Variants in CNGB3 observed in about 807,000 individuals in gnomAD.
The protein encoded by CNGB3 is cyclic nucleotide-gated channel beta-3.
CNGB3 carries 86 observed loss-of-function variants against 92.8 expected under a neutral mutation model. The observed-to-expected ratio is 0.93, with a 90% CI of 0.78 to 1.11. The LOEUF (loss-of-function observed/expected upper bound fraction) is 1.11. CNGB3 is among the 50% of genes least tolerant of loss of function. The pLI, the probability that CNGB3 is intolerant of heterozygous loss-of-function variation, is 0.00. For missense variants in CNGB3, 1,026 were observed against 956.8 expected (o/e 1.07, Z -0.95); for synonymous variants, 333 against 332.7 (o/e 1.00, Z -0.01).
chr8:86,709,819 A>G (rs891750111), intron 3 of CNGB3, among the ~76,000 whole-genome samples: 3 of 152,202 alleles, frequency 2.0e-5, no homozygotes, highest in Non-Finnish European at 2.9e-5. Flanking sequence ...AACAATATTT[A>G]AAGCTAAAAC....
chr8:86,729,776 A>C (rs1825128313), intron 2 of CNGB3, among the ~76,000 whole-genome samples: 2 of 152,216 alleles, frequency 1.3e-5, no homozygotes, highest in Non-Finnish European at 2.9e-5. Flanking sequence ...TGAAAGAGAA[A>C]TCTAAAATAC....
At chr8:86,733,158 T>TG in intron 2 of CNGB3, among the ~76,000 whole-genome samples, 1 of 152,290 alleles carries the variant, frequency 6.6e-6, no homozygotes, top group African/African-American at 2.4e-5. Flanking sequence ...GAGTACCCAG[T>TG]GTTTAGCTTA....
At chr8:86,635,845 TATATATATATATATATATACAC>T (rs1322046240) in intron 10 of CNGB3, among the ~76,000 whole-genome samples, 2 of 70,640 alleles carry the variant, frequency 2.8e-5, no homozygotes, top group African/African-American at 1.5e-4. Flanking sequence ...TATATATATA[TATATATATATATATATATACAC>T]ATACACATAT....
chr8:86,581,567 C>A (rs948063857), intron 15 of CNGB3, among the ~76,000 whole-genome samples: 1 of 152,170 alleles, frequency 6.6e-6, no homozygotes, highest in African/African-American at 2.4e-5. Flanking sequence ...GAGCTTTGTG[C>A]TACCTGAGGG....
At chr8:86,662,526 C>G (rs1352481873) in intron 6 of CNGB3, among the ~76,000 whole-genome samples, 2 of 152,152 alleles carry the variant, frequency 1.3e-5, no homozygotes, top group Non-Finnish European at 2.9e-5. Context: ...ATATGCCAGA[C>G]CCTGAGCTAG....
At chr8:86,600,646 G>A (rs6990688) in intron 15 of CNGB3, among the ~76,000 whole-genome samples, 32,124 of 146,872 alleles carry the variant, frequency 0.22, 5,247 homozygotes, top group African/African-American at 0.47. Flanking sequence ...GTCTCGCCCT[G>A]TCACCCAGGC....
At position 86,642,466 on chromosome 8, in the gene CNGB3, C is replaced by T. The variant is rs1037259687; in HGVS notation, c.1178+1285G>A. On this transcript the variant is annotated intron_variant, in intron 10 of 17. Coordinates refer to ENST00000320005, the MANE Select transcript of CNGB3 (RefSeq NM_019098.5). The stretch of plus-strand genomic sequence containing the variant: ...CTTCTGACTTTAAATTCTTTAAAAT[C>T]GGTTCTGGTTGTTATAATCCCTTAT... Among the ~76,000 whole-genome samples the T allele has an allele frequency of 9.9e-5, 15 of 151,702 alleles. No homozygotes were observed. The South Asian group carries it at 1.2e-3, about 13-fold the overall frequency.
At chr8:86,659,704 G>A (rs1823594139) in intron 6 of CNGB3, 2 of 396,664 alleles carry the variant, frequency 5.0e-6, no homozygotes, top group Non-Finnish European at 1.0e-5. Context: ...ATACAGAGCT[G>A]TCCATAACTC....
At chr8:86,639,129 A>T (rs1823130556) in intron 10 of CNGB3, among the ~76,000 whole-genome samples, 1 of 151,026 alleles carries the variant, frequency 6.6e-6, no homozygotes. Context: ...AACTAAAGTC[A>T]ATAATTCCCA....
At chr8:86,664,543 G>GTTA (rs1428162634) in intron 6 of CNGB3, among the ~76,000 whole-genome samples, 1 of 152,162 alleles carries the variant, frequency 6.6e-6, no homozygotes, top group Non-Finnish European at 1.5e-5. Flanking sequence ...TGGGGTAGTG[G>GTTA]TTATAAGACT....
At chr8:86,693,871 C>T (rs181705334) in intron 3 of CNGB3, among the ~76,000 whole-genome samples, 3,120 of 152,204 alleles carry the variant, frequency 0.02, 30 homozygotes, top group Non-Finnish European at 0.027. Flanking sequence ...GGCAACCATC[C>T]GACCTCTCAA....
intron 13 of CNGB3, among the ~76,000 whole-genome samples, chr8:86,624,994 A>G (rs926020017): frequency 4.6e-5 from 7 of 152,128 alleles, no homozygotes; most frequent in Non-Finnish European, 7.3e-5. Flanking sequence ...TGCTCCTGCT[A>G]TATAAGATGC....
chr8:86,593,721 A>C, intron 15 of CNGB3: 4 of 899,464 alleles, frequency 4.4e-6, no homozygotes, highest in Non-Finnish European at 7.0e-6. Context: ...CCTGTCGTCC[A>C]GCAGTGGTGG....
chr8:86,672,333 A>C (rs1382699452), intron 3 of CNGB3, among the ~76,000 whole-genome samples: 1 of 152,166 alleles, frequency 6.6e-6, no homozygotes, highest in Non-Finnish European at 1.5e-5. Flanking sequence ...TCCTGACCTC[A>C]GGTGGTTTGC....
intron 3 of CNGB3, among the ~76,000 whole-genome samples, chr8:86,690,008 T>C (rs1010539140): frequency 6.6e-6 from 1 of 152,238 alleles, no homozygotes; most frequent in African/African-American, 2.4e-5. Flanking sequence ...TTGTGAGTAG[T>C]GTCACAGTAA....
chr8:86,726,698 A>T, intron 2 of CNGB3, 41 bp from the exon 3 acceptor site: 1 of 1,610,638 alleles, frequency 6.2e-7, no homozygotes, highest in East Asian at 2.2e-5. Context: ...AATGTACAAC[A>T]CTCTTGACCC....
In CNGB3 at chr8:86,666,974, A is replaced by G. The variant is rs1440942177; in HGVS notation, c.803T>C (p.Met268Thr). The change falls in exon 6 of 18, where the codon ATG becomes ACG. Residue 268 changes from methionine to threonine, a missense_variant. Transcript: ENST00000320005. ...CTGGAGTCTGGGCTGGATAAATAGC[A>G]TATCATAAAGGTAGATGATATCACA... The part of the protein sequence containing the change: ...IICDIIYLYD[M>T]LFIQPRLQFV... The G allele has an allele frequency of 1.2e-6, 2 of 1,613,582 alleles. No individual in the cohort carries two copies. Among genetic ancestry groups the G allele is most frequent in the African/African-American group, 1.3e-5 (1 of 75,042 alleles).
At chr8:86,647,238 A>G (rs991246359) in intron 8 of CNGB3, among the ~76,000 whole-genome samples, 6 of 150,908 alleles carry the variant, frequency 4.0e-5, no homozygotes, top group Non-Finnish European at 7.4e-5. Context: ...ATATTTTGGT[A>G]TATTTAACTA....
intron 3 of CNGB3, among the ~76,000 whole-genome samples, chr8:86,684,898 T>C (rs1440783744): frequency 6.6e-6 from 1 of 152,048 alleles, no homozygotes; most frequent in Non-Finnish European, 1.5e-5. Flanking sequence ...GTATTTTGAC[T>C]GTGGTGGGGG....
Sources: gnomAD v4.1 joint callset for allele counts (sites outside exome capture counted in the v4.1 genomes callset) on GRCh38, gnomAD v4.1.1 for gene constraint, MANE v1.5 for transcripts, NCBI Gene and HGNC (gene_info 2026-07-23, HGNC 2026-07-21) for gene names.